The following PBX1 variants were observed in gnomAD, a reference collection of about 807,000 sequenced individuals.
PBX1 encodes PBX homeobox 1.
PBX1 carries 6 observed loss-of-function variants against 53.4 expected under a neutral mutation model. That is an observed-to-expected ratio of 0.11 (90% CI 0.06 to 0.22). PBX1 has a LOEUF of 0.22. Among genes scored for constraint, PBX1 ranks in the 10% least tolerant of loss-of-function variants. The pLI is 1.00. For synonymous variants in PBX1, 204 were observed against 212.3 expected, an observed-to-expected ratio of 0.96 and a Z score of 0.34; for missense variants, 251 against 551.4, an observed-to-expected ratio of 0.46 and a Z score of 5.46.
In PBX1 at chr1:164,848,141, A is replaced by G. The variant is rs1196269960; in HGVS notation, c.*1465A>G. 9.5e-7 allele frequency: 1 copy of G among 1,050,550 alleles called. No individual in the cohort carries two copies. Among genetic ancestry groups the G allele is most frequent in the Non-Finnish European group, 1.1e-6 (1 of 870,092 alleles). 65.1% of individuals were successfully genotyped at this position (1,050,550 alleles called of 1,614,324 possible). On this transcript the variant is annotated 3_prime_UTR_variant, in exon 9 of 9. Transcript: ENST00000420696. The stretch of plus-strand genomic sequence containing the variant: ...TGAGAATCATGGGGAAAGGGAAGGT[A>G]ATGTTTTCATTGAAATCATCACAGT...
intron 2 of PBX1, among the ~76,000 whole-genome samples, chr1:164,621,453 T>G (rs1455396818): frequency 6.6e-6 from 1 of 152,068 alleles, no homozygotes; most frequent in Non-Finnish European, 1.5e-5. Context: ...AAGGACTGCC[T>G]GGGGGGTGCT....
At chr1:164,796,381 G>A (rs186155435) in intron 3 of PBX1, among the ~76,000 whole-genome samples, 28 of 146,160 alleles carry the variant, frequency 1.9e-4, no homozygotes, top group African/African-American at 6.8e-4. Flanking sequence ...TTTATTCCAA[G>A]CTCTACTTTA....
chr1:164,654,390 G>A (rs1660022541), intron 2 of PBX1, among the ~76,000 whole-genome samples: 1 of 152,156 alleles, frequency 6.6e-6, no homozygotes, highest in Non-Finnish European at 1.5e-5. Flanking sequence ...AAAACATCAG[G>A]CCTCAGGTTT....
At chr1:164,639,830 T>G (rs906749246) in intron 2 of PBX1, among the ~76,000 whole-genome samples, 1 of 152,022 alleles carries the variant, frequency 6.6e-6, no homozygotes, top group South Asian at 2.1e-4. Context: ...GCCCAGCAAA[T>G]TTTTTCTATT....
rs573674998 is a variant in PBX1, at chr1:164,752,993, G to A, written c.266-39501G>A. ...GAAAGTTTCAAAAGAATAAAACCTG[G>A]AAGGGTTGTGGAGATGAATTTGATT... is the stretch of plus-strand genomic sequence containing the variant. On this transcript the variant is annotated intron_variant, in intron 2 of 8. Coordinates refer to ENST00000420696, the MANE Select transcript of PBX1 (RefSeq NM_002585.4). 8.5e-5 allele frequency among the ~76,000 whole-genome samples: 13 copies of A among 152,316 alleles called. No individual in the cohort carries two copies. In the East Asian group the frequency reaches 2.5e-3, roughly 29 times the overall value.
At chr1:164,652,314 TGGG>T (rs1188722424) in intron 2 of PBX1, among the ~76,000 whole-genome samples, 2 of 152,192 alleles carry the variant, frequency 1.3e-5, no homozygotes, top group Non-Finnish European at 2.9e-5. Flanking sequence ...ATAACCCCTG[TGGG>T]GGTACTCTAG....
chr1:164,626,126 T>C, intron 2 of PBX1: 1 of 1,020,584 alleles, frequency 9.8e-7, no homozygotes, highest in Non-Finnish European at 1.2e-6. Context: ...GCAGGCTGAA[T>C]GGCCAGTTGA....
chr1:164,751,581 CT>C (rs1231289371), intron 2 of PBX1, among the ~76,000 whole-genome samples: 4,937 of 137,828 alleles, frequency 0.036, 69 homozygotes, highest in Non-Finnish European at 0.052. Flanking sequence ...TATTGCCCCC[CT>C]TTTTTTTTTT....
At chr1:164,761,163 T>C (rs575509560) in intron 2 of PBX1, among the ~76,000 whole-genome samples, 1 of 152,286 alleles carries the variant, frequency 6.6e-6, no homozygotes, top group Admixed American at 6.5e-5. Flanking sequence ...ATCACACTAC[T>C]TAGGGACACA....
Position 164,706,068 on chromosome 1 carries a change from AGACACTTGTGACTTACTAAG to A in PBX1, c.266-86423_266-86404del, listed in dbSNP as rs375575043. ...TCTATGGTTGATATAAAAAAAATCT[AGACACTTGTGACTTACTAAG>A]GAGTATCTTGAAAATGTCTCAATTC... On this transcript the variant is annotated intron_variant, in intron 2 of 8. Transcript: ENST00000420696. Among the ~76,000 whole-genome samples the A allele has an allele frequency of 5.8e-3, 891 of 152,348 alleles. 10 individuals carry two copies. Among genetic ancestry groups the A allele is most frequent in the African/African-American group, 0.02 (825 of 41,568 alleles).
At chr1:164,731,332 T>G (rs1414800136) in intron 2 of PBX1, among the ~76,000 whole-genome samples, 1 of 150,850 alleles carries the variant, frequency 6.6e-6, no homozygotes, top group African/African-American at 2.4e-5. Context: ...AAAAAAACTC[T>G]CTTGGCTTCT....
intron 2 of PBX1, among the ~76,000 whole-genome samples, chr1:164,673,210 GA>G (rs1661209553): frequency 6.6e-6 from 1 of 151,832 alleles, no homozygotes; most frequent in African/African-American, 2.4e-5. Context: ...TATTAAGGTT[GA>G]AAAAAAACCC....
chr1:164,752,207 TG>T (rs1464823048), intron 2 of PBX1, among the ~76,000 whole-genome samples: 2 of 2,074 alleles, frequency 9.6e-4, no homozygotes, highest in Non-Finnish European at 5.2e-3. Context: ...TTTAAGGTTT[TG>T]TGTGTGTGTG....
intron 8 of PBX1, among the ~76,000 whole-genome samples, chr1:164,830,461 A>G (rs1340217519): frequency 6.6e-6 from 1 of 152,170 alleles, no homozygotes; most frequent in African/African-American, 2.4e-5. Flanking sequence ...AAAATTAACT[A>G]TATACAAGAA....
chr1:164,714,032 G>C (rs1248222409), intron 2 of PBX1, among the ~76,000 whole-genome samples: 1 of 152,352 alleles, frequency 6.6e-6, no homozygotes, highest in South Asian at 2.1e-4. Context: ...TCAGAGAACA[G>C]CTCTGGGGAG....
chr1:164,751,825 G>T (rs187512706), intron 2 of PBX1, among the ~76,000 whole-genome samples: 1 of 151,670 alleles, frequency 6.6e-6, no homozygotes, highest in Admixed American at 6.6e-5. Flanking sequence ...CAGGTGATTT[G>T]CCCACCTCGG....
At chr1:164,779,398 G>A (rs1050404941) in intron 2 of PBX1, among the ~76,000 whole-genome samples, 2 of 152,134 alleles carry the variant, frequency 1.3e-5, no homozygotes, top group African/African-American at 4.8e-5. Context: ...CCTTGTTGGA[G>A]TAGCAATGTT....
chr1:164,616,781 G>A (rs886360403), intron 2 of PBX1, among the ~76,000 whole-genome samples: 1 of 152,174 alleles, frequency 6.6e-6, no homozygotes, highest in Non-Finnish European at 1.5e-5. Flanking sequence ...TTACTAATAT[G>A]TATTGATACT....
At chr1:164,565,640 G>A (rs1052574476) in intron 2 of PBX1, among the ~76,000 whole-genome samples, 1 of 152,184 alleles carries the variant, frequency 6.6e-6, no homozygotes, top group Non-Finnish European at 1.5e-5. Context: ...TGATTCTAAA[G>A]CACGATTACT....
Sources: allele counts gnomAD v4.1 joint callset (sites outside exome capture counted in the v4.1 genomes callset), GRCh38; gene constraint gnomAD v4.1.1; transcripts MANE v1.5; gene names NCBI Gene and HGNC (gene_info 2026-07-23, HGNC 2026-07-21).